Variants in ASB5 observed in about 807,000 individuals in gnomAD.
ASB5 encodes the protein ankyrin repeat and SOCS box protein 5.
Under a neutral mutation model 42.1 loss-of-function variants are expected in ASB5, and 45 were observed. The observed-to-expected ratio is 1.07, with a 90% CI of 0.84 to 1.37. The LOEUF is 1.37. Ranked by LOEUF, ASB5 falls within the 40% of genes most tolerant of loss-of-function variation. ASB5 has a pLI of 0.00. For synonymous variants in ASB5, 147 were observed against 150.6 expected (o/e 0.98, Z 0.18); for missense variants, 402 against 399.8 (o/e 1.01, Z -0.05).
intron 1 of ASB5, among the ~76,000 whole-genome samples, chr4:176,240,095 G>C (rs1753779953): frequency 6.6e-6 from 1 of 152,160 alleles, no homozygotes; most frequent in Admixed American, 6.5e-5. Context: ...ACCTGTAAGA[G>C]AGCACTGTGA....
chr4:176,243,314 A>T (rs1239128929), intron 1 of ASB5, among the ~76,000 whole-genome samples: 1 of 152,194 alleles, frequency 6.6e-6, no homozygotes, highest in Admixed American at 6.5e-5. Flanking sequence ...TATATAATGA[A>T]GATGTCTGTC....
At chr4:176,244,573 G>A (rs186243710) in intron 1 of ASB5, among the ~76,000 whole-genome samples, 8 of 152,110 alleles carry the variant, frequency 5.3e-5, no homozygotes, top group African/African-American at 1.2e-4. Flanking sequence ...TTTATCCTAC[G>A]ACCAAGTGAA....
chr4:176,237,176 T>C (rs1208686799), intron 1 of ASB5: 1 of 644,220 alleles, frequency 1.6e-6, no homozygotes, highest in Non-Finnish European at 1.9e-6. Flanking sequence ...ATGCCATACA[T>C]GTGCATTTCA....
chr4:176,235,110 G>A (rs2126958332), intron 1 of ASB5, among the ~76,000 whole-genome samples: 1 of 152,200 alleles, frequency 6.6e-6, no homozygotes, highest in East Asian at 1.9e-4. Flanking sequence ...ATTCCATAAT[G>A]AGTCCATAAT....
At position 176,215,531 on chromosome 4, in the gene ASB5, A is replaced by G. The variant is rs1021117179; in HGVS notation, c.*69T>C. 2.7e-6 allele frequency: 4 copies of G among 1,482,544 alleles called. No homozygotes were observed. The African/African-American group carries it at 4.2e-5, about 16-fold the overall frequency. 91.8% of individuals were successfully genotyped at this position (1,482,544 alleles called of 1,614,324 possible). Reference sequence around the variant, plus strand: ...TATCCTATCTTTAGCATATTTTTATATGAACTATTCCTTAAGCAAAAGAAA... The same window carrying G: ...TATCCTATCTTTAGCATATTTTTATGTGAACTATTCCTTAAGCAAAAGAAA... On this transcript the variant is annotated 3_prime_UTR_variant, in exon 7 of 7. Transcript: ENST00000296525.
At chr4:176,264,967 T>G (rs895552078) in intron 1 of ASB5, among the ~76,000 whole-genome samples, 6 of 152,094 alleles carry the variant, frequency 3.9e-5, no homozygotes, top group African/African-American at 1.2e-4. Context: ...GGTCCTCATC[T>G]CCTCATGGCA....
At chr4:176,219,423 A>G (rs1753114189) in intron 5 of ASB5, among the ~76,000 whole-genome samples, 1 of 85,842 alleles carries the variant, frequency 1.2e-5, no homozygotes, top group Non-Finnish European at 2.1e-5. Context: ...ATATATATGT[A>G]TGATATATAA....
chr4:176,267,602 T>C (rs556746803), intron 1 of ASB5, among the ~76,000 whole-genome samples: 10 of 152,242 alleles, frequency 6.6e-5, no homozygotes, highest in South Asian at 2.1e-4. Context: ...GCCTGGGTGA[T>C]AATGTTAGCC....
intron 1 of ASB5, among the ~76,000 whole-genome samples, chr4:176,227,969 C>T (rs369636454): frequency 3.3e-5 from 5 of 152,058 alleles, no homozygotes; most frequent in African/African-American, 7.2e-5. Context: ...ATTTTATTCT[C>T]GGCAAAAGTA....
At chr4:176,270,520 T>C (rs1039922989), upstream of ASB5, among the ~76,000 whole-genome samples, 1 of 151,950 alleles carries the variant, frequency 6.6e-6, no homozygotes, top group African/African-American at 2.4e-5. Context: ...AATGAATGGC[T>C]CTCAGAAAAT....
intron 6 of ASB5, among the ~76,000 whole-genome samples, chr4:176,216,063 T>A (rs1178160553): frequency 6.6e-6 from 1 of 152,058 alleles, no homozygotes; most frequent in East Asian, 1.9e-4. Flanking sequence ...AAAGGGGAAA[T>A]TTTAAAATTA....
intron 1 of ASB5, among the ~76,000 whole-genome samples, chr4:176,244,066 T>G (rs1317950340): frequency 6.6e-6 from 1 of 152,210 alleles, no homozygotes; most frequent in African/African-American, 2.4e-5. Flanking sequence ...CCACATTAGT[T>G]TGGTGCTTTG....
At chr4:176,258,201 A>C (rs996661891) in intron 1 of ASB5, among the ~76,000 whole-genome samples, 3 of 152,218 alleles carry the variant, frequency 2.0e-5, no homozygotes, top group Admixed American at 1.3e-4. Flanking sequence ...AAGGTAATAA[A>C]TTATATTTCA....
intron 1 of ASB5, among the ~76,000 whole-genome samples, chr4:176,253,143 T>C (rs1754076725): frequency 6.6e-6 from 1 of 152,200 alleles, no homozygotes; most frequent in African/African-American, 2.4e-5. Context: ...TGTTTACTTT[T>C]TTCCATTTCT....
intron 1 of ASB5, among the ~76,000 whole-genome samples, 200 bp from the exon 2 acceptor site, chr4:176,225,541 T>A (rs1753353204): frequency 3.3e-5 from 5 of 152,196 alleles, no homozygotes; most frequent in African/African-American, 1.2e-4. Flanking sequence ...ACATGAGCCA[T>A]GATGCATGCT....
chr4:176,237,198 G>A (rs1267401133), intron 1 of ASB5: 2 of 848,114 alleles, frequency 2.4e-6, no homozygotes, highest in African/African-American at 1.8e-5. Context: ...TCCGCATTCT[G>A]GAAAGCACCC....
chr4:176,253,943 G>A (rs1475824261), intron 1 of ASB5, among the ~76,000 whole-genome samples: 2 of 152,120 alleles, frequency 1.3e-5, no homozygotes, highest in African/African-American at 4.8e-5. Flanking sequence ...CCATGCTCGT[G>A]GATTTGAAAA....
chr4:176,271,585 AC>A (rs1346972056), upstream of ASB5, among the ~76,000 whole-genome samples: 1 of 152,198 alleles, frequency 6.6e-6, no homozygotes, highest in East Asian at 1.9e-4. Context: ...AATCAGTCAA[AC>A]TAAAGTGTTG....
upstream of ASB5, among the ~76,000 whole-genome samples, chr4:176,274,078 G>A (rs183412313): frequency 6.6e-6 from 1 of 152,178 alleles, no homozygotes; most frequent in African/African-American, 2.4e-5. Context: ...TCCTCTGCAG[G>A]GGGAGGCTAA....
Sources: gnomAD v4.1 joint callset for allele counts (sites outside exome capture counted in the v4.1 genomes callset) on GRCh38, gnomAD v4.1.1 for gene constraint, MANE v1.5 for transcripts, NCBI Gene and HGNC (gene_info 2026-07-23, HGNC 2026-07-21) for gene names.